PTDSS1: variants seen among roughly 807,000 people sequenced by gnomAD.
PTDSS1 encodes PSS-1.
PTDSS1 carries 45 observed loss-of-function variants against 70.5 expected under a neutral mutation model. The ratio of observed to expected loss-of-function variants is 0.64; its 90% CI spans 0.50 to 0.82. The LOEUF is 0.82. PTDSS1 is among the 40% of genes least tolerant of loss of function. The probability of loss-of-function intolerance (pLI) is 0.00; values close to 1 mark genes in which losing one functional copy is unlikely to be tolerated. For missense variants in PTDSS1, 417 were observed against 586.1 expected, an observed-to-expected ratio of 0.71 and a Z score of 2.98; for synonymous variants, 188 against 203.8, an observed-to-expected ratio of 0.92 and a Z score of 0.66.
intron 1 of PTDSS1, among the ~76,000 whole-genome samples, chr8:96,263,760 G>A (rs977073617): frequency 1.3e-5 from 2 of 152,194 alleles, no homozygotes; most frequent in African/African-American, 4.8e-5. Flanking sequence ...ATGTGACAGC[G>A]CTGTACAACA....
At position 96,336,045 on chromosome 8, in the gene PTDSS1, C is replaced by G. The variant is rs1224601827; in HGVS notation, c.*2479C>G. ...TTCCCTTTTTTTCATTCTTGGTCTTCCCAAAGCTTCTTCCCACATTTCGTT... is the reference window on the plus strand; with the variant it reads ...TTCCCTTTTTTTCATTCTTGGTCTTGCCAAAGCTTCTTCCCACATTTCGTT... On this transcript the variant is annotated 3_prime_UTR_variant, in exon 13 of 13. Coordinates refer to ENST00000517309, the MANE Select transcript of PTDSS1 (RefSeq NM_014754.3). The G allele has an allele frequency of 6.6e-6, 1 of 150,422 alleles. No homozygotes were observed. The highest frequency in any genetic ancestry group is 1.9e-4 in the East Asian group (1 of 5,190). 9.3% of individuals were successfully genotyped at this position (150,422 alleles called of 1,614,324 possible). A position where few individuals can be genotyped will look rare whatever the true frequency, so the allele number is the denominator to read the frequency against.
intron 7 of PTDSS1, among the ~76,000 whole-genome samples, chr8:96,305,614 A>G (rs991063009): frequency 3.9e-5 from 6 of 152,160 alleles, no homozygotes; most frequent in African/African-American, 1.2e-4. Flanking sequence ...TTGGTAGAGG[A>G]TCTGCTCTGT....
chr8:96,280,792 G>A (rs1810724771), intron 2 of PTDSS1, among the ~76,000 whole-genome samples: 1 of 152,138 alleles, frequency 6.6e-6, no homozygotes, highest in Admixed American at 6.5e-5. Flanking sequence ...CCGATATAAA[G>A]CACAGGTAAG....
intron 2 of PTDSS1, among the ~76,000 whole-genome samples, chr8:96,275,989 A>G (rs762900845): frequency 2.0e-5 from 3 of 152,190 alleles, no homozygotes; most frequent in Non-Finnish European, 4.4e-5. Flanking sequence ...CAGGAAACTG[A>G]TCAGTGCACA....
chr8:96,299,648 C>T (rs1811023307), intron 5 of PTDSS1, 46 bp from the exon 6 acceptor site: 2 of 1,540,648 alleles, frequency 1.3e-6, no homozygotes, highest in African/African-American at 1.4e-5. Context: ...TGCATGGTAC[C>T]CCAGTTTTGT....
intron 9 of PTDSS1, among the ~76,000 whole-genome samples, chr8:96,315,881 C>T (rs578088596): frequency 1.4e-4 from 21 of 152,272 alleles, no homozygotes; most frequent in African/African-American, 4.3e-4. Flanking sequence ...GGACCTATTG[C>T]TGAGCTGTGC....
At chr8:96,324,765 C>G (rs1227426811) in intron 10 of PTDSS1, among the ~76,000 whole-genome samples, 1 of 152,228 alleles carries the variant, frequency 6.6e-6, no homozygotes. Flanking sequence ...CAAGGACATT[C>G]AAACCATAGC....
chr8:96,273,349 T>C lies in PTDSS1; in HGVS notation c.230T>C (p.Ile77Thr), dbSNP rs1586182367. 1.2e-6 allele frequency: 2 copies of C among 1,612,874 alleles called. No homozygotes were observed. The highest frequency in any genetic ancestry group is 1.7e-6 in the Non-Finnish European group (2 of 1,179,594). ...DNIWRGILSV[I>T]FFFLIISVLA... Reference sequence around the variant, plus strand: ...ATCTGGAGAGGCATCCTCTCTGTTATTTTCTTCTTTCTTATCATCAGTGTG... The same window carrying C: ...ATCTGGAGAGGCATCCTCTCTGTTACTTTCTTCTTTCTTATCATCAGTGTG... The change falls in exon 2 of 13, where the codon ATT becomes ACT. Residue 77 changes from isoleucine to threonine, a missense_variant. Transcript: ENST00000517309.
rs1369015198 is a variant in PTDSS1 at position 96,315,647 on chromosome 8, C to T, written c.1074-4599C>T. Among the ~76,000 whole-genome samples, 5 of 152,214 alleles carry T rather than the reference C, an allele frequency of 3.3e-5. No homozygotes were observed. The South Asian group carries it at 8.3e-4, about 25-fold the overall frequency. On this transcript the variant is annotated intron_variant, in intron 9 of 12. Coordinates refer to ENST00000517309, the MANE Select transcript of PTDSS1 (RefSeq NM_014754.3). ...GTCGGGGGTGCTGGGAGTATGTGCA[C>T]CAGTAACCAGCCCTAGGTCAGGAAT...
chr8:96,323,234 A>T (rs955922210), intron 10 of PTDSS1, among the ~76,000 whole-genome samples: 6 of 152,148 alleles, frequency 3.9e-5, no homozygotes, highest in African/African-American at 7.2e-5. Context: ...CACACTGGCA[A>T]CCCTACAGTT....
chr8:96,291,529 C>T (rs1360571304), intron 4 of PTDSS1, among the ~76,000 whole-genome samples: 2 of 149,808 alleles, frequency 1.3e-5, no homozygotes, highest in African/African-American at 4.9e-5. Context: ...GCAGTCGCTT[C>T]GTAAATGTTC....
intron 2 of PTDSS1, among the ~76,000 whole-genome samples, chr8:96,278,620 G>A (rs1810684094): frequency 6.6e-6 from 1 of 152,116 alleles, no homozygotes; most frequent in Non-Finnish European, 1.5e-5. Context: ...TCCCATTATA[G>A]CAACTGACAC....
intron 9 of PTDSS1, 114 bp downstream of exon 9, chr8:96,309,736 T>G: frequency 2.3e-6 from 2 of 862,338 alleles, no homozygotes; most frequent in Non-Finnish European, 3.7e-6. Context: ...TGAAGACAGG[T>G]GGACTAGATT....
intron 10 of PTDSS1, among the ~76,000 whole-genome samples, chr8:96,322,132 A>G (rs373216789): frequency 1.3e-5 from 2 of 151,892 alleles, no homozygotes; most frequent in East Asian, 1.9e-4. Flanking sequence ...AGCCCTCCTC[A>G]CCACAGCAAA....
chr8:96,280,380 G>C (rs1167296478), intron 2 of PTDSS1, among the ~76,000 whole-genome samples: 1 of 152,020 alleles, frequency 6.6e-6, no homozygotes, highest in Non-Finnish European at 1.5e-5. Flanking sequence ...GAATTAGCTG[G>C]GCGTGGTGGC....
chr8:96,309,871 C>A (rs570677215), intron 9 of PTDSS1, among the ~76,000 whole-genome samples: 1 of 152,052 alleles, frequency 6.6e-6, no homozygotes, highest in African/African-American at 2.4e-5. Context: ...AGAAATGGCT[C>A]TCTTATTTTG....
At chr8:96,279,017 C>T (rs895688615) in intron 2 of PTDSS1, among the ~76,000 whole-genome samples, 2 of 142,238 alleles carry the variant, frequency 1.4e-5, no homozygotes, top group African/African-American at 5.3e-5. Context: ...TCTGCCCAGG[C>T]TGGAGTGCAG....
intron 2 of PTDSS1, among the ~76,000 whole-genome samples, chr8:96,274,461 C>T (rs1410678565): frequency 1.3e-5 from 2 of 152,156 alleles, no homozygotes; most frequent in African/African-American, 4.8e-5. Context: ...TGCGGCGGCT[C>T]ATGCCTGTAA....
chr8:96,286,895 G>T (rs1463267596), intron 3 of PTDSS1, 127 bp from the exon 4 acceptor site: 2 of 1,163,956 alleles, frequency 1.7e-6, no homozygotes, highest in Non-Finnish European at 2.5e-6. Flanking sequence ...ATTATAAGAG[G>T]AGTCTTGACA....
Sources: gnomAD v4.1 joint callset for allele counts (sites outside exome capture counted in the v4.1 genomes callset) on GRCh38, gnomAD v4.1.1 for gene constraint, MANE v1.5 for transcripts, NCBI Gene and HGNC (gene_info 2026-07-23, HGNC 2026-07-21) for gene names.